SRGAP3: variants seen among roughly 807,000 people sequenced by gnomAD.
SRGAP3 encodes SLIT-ROBO Rho GTPase-activating protein 3.
SRGAP3 carries 39 observed loss-of-function variants against 121.1 expected under a neutral mutation model. That is an observed-to-expected ratio of 0.32 (90% CI 0.25 to 0.42). The LOEUF (loss-of-function observed/expected upper bound fraction) is 0.42. Among genes scored for constraint, SRGAP3 ranks in the 10% least tolerant of loss-of-function variants. The pLI, the probability that SRGAP3 is intolerant of heterozygous loss-of-function variation, is 1.00. For synonymous variants in SRGAP3, 601 were observed against 570.0 expected, an observed-to-expected ratio of 1.05 and a Z score of -0.77; for missense variants, 1,213 against 1,470.6, an observed-to-expected ratio of 0.82 and a Z score of 2.86.
rs142402714 is a variant in SRGAP3 at position 9,160,464 on chromosome 3, C to T, written c.68-35547G>A. Among the ~76,000 whole-genome samples the T allele has an allele frequency of 3.5e-3, 538 of 152,258 alleles. 2 individuals are homozygous for T. The highest frequency in any genetic ancestry group is 0.012 in the African/African-American group (513 of 41,552). ...CAGCCCTATAGAGAGGTCCACGTGG[C>T]GAGGAACTCAGGCCTCCAGCCAACA... On this transcript the variant is annotated intron_variant, in intron 1 of 21. Coordinates refer to ENST00000383836, the MANE Select transcript of SRGAP3 (RefSeq NM_014850.4).
At chr3:9,209,671 G>C (rs1356436696) in intron 1 of SRGAP3, among the ~76,000 whole-genome samples, 1 of 152,178 alleles carries the variant, frequency 6.6e-6, no homozygotes, top group Non-Finnish European at 1.5e-5. Flanking sequence ...AAAGATGTAT[G>C]TACAAAGATG....
At position 8,990,777 on chromosome 3, in the gene SRGAP3, C is replaced by A; in HGVS notation, c.2621G>T (p.Ser874Ile). 6.2e-7 allele frequency: 1 copy of A among 1,600,178 alleles called. No homozygotes were observed. Among genetic ancestry groups the A allele is most frequent in the Non-Finnish European group, 8.5e-7 (1 of 1,173,252 alleles). The change falls in exon 21 of 22, where the codon AGC becomes ATC. Residue 874 changes from serine (S) to isoleucine (I), a missense_variant. Around this residue, in one of 2 missense-constraint regions of SRGAP3, gnomAD observed 420 missense variants for 437.7 expected, o/e 0.96. Transcript: ENST00000383836. Reference protein sequence around the residue: ...PRRRSGGDTHSPPRGLGPSID... With the variant: ...PRRRSGGDTHIPPRGLGPSID... Reference sequence around the variant, plus strand: ...GCTGGGGCCCAGGCCCCGGGGCGGGCTGTGTGTGTCGCCCCCGCTTCGGCG... The same window carrying A: ...GCTGGGGCCCAGGCCCCGGGGCGGGATGTGTGTGTCGCCCCCGCTTCGGCG...
At chr3:9,008,505 C>T (rs747056744) in intron 18 of SRGAP3, among the ~76,000 whole-genome samples, 1 of 151,460 alleles carries the variant, frequency 6.6e-6, no homozygotes, top group Non-Finnish European at 1.5e-5. Context: ...GAAGGAGATC[C>T]AGAAATAAAA....
chr3:9,040,386 G>A (rs1944960332), intron 10 of SRGAP3, among the ~76,000 whole-genome samples: 1 of 152,152 alleles, frequency 6.6e-6, no homozygotes, highest in African/African-American at 2.4e-5. Context: ...TGCTACAGAT[G>A]CAGAGGCCTC....
intron 2 of SRGAP3, among the ~76,000 whole-genome samples, chr3:9,111,371 T>C (rs1948616290): frequency 6.6e-6 from 1 of 152,158 alleles, no homozygotes; most frequent in Admixed American, 6.5e-5. Context: ...TGAAAGGGGC[T>C]GGGCAGGTGG....
intron 1 of SRGAP3, among the ~76,000 whole-genome samples, chr3:9,191,240 T>C (rs1426577680): frequency 8.6e-5 from 13 of 151,900 alleles, no homozygotes; most frequent in Admixed American, 7.9e-4. Context: ...TCCCGGATTA[T>C]AATGATTCAC....
chr3:9,152,146 C>A (rs916289957), intron 1 of SRGAP3, among the ~76,000 whole-genome samples: 2 of 152,246 alleles, frequency 1.3e-5, no homozygotes, highest in African/African-American at 4.8e-5. Context: ...AGAACATTGC[C>A]TGGCTCATCA....
chr3:9,077,135 G>T (rs897292796), intron 4 of SRGAP3, among the ~76,000 whole-genome samples: 1 of 92,204 alleles, frequency 1.1e-5, no homozygotes, highest in African/African-American at 6.8e-5. Flanking sequence ...CTCCCCCTCC[G>T]ACAAGCCCCA....
At chr3:9,224,515 C>T (rs1952922597) in intron 1 of SRGAP3, among the ~76,000 whole-genome samples, 1 of 152,220 alleles carries the variant, frequency 6.6e-6, no homozygotes, top group African/African-American at 2.4e-5. Context: ...AGCACCCTGC[C>T]ATTCCCAAGA....
Position 9,060,257 on chromosome 3 carries a change from T to TG in SRGAP3, c.774dup (p.Ile259HisfsTer3), listed in dbSNP as rs765499043. 6.2e-7 allele frequency: 1 copy of TG among 1,614,040 alleles called. No individual in the cohort carries two copies. Among genetic ancestry groups the TG allele is most frequent in the Non-Finnish European group, 8.5e-7 (1 of 1,179,986 alleles). On this transcript the variant is annotated frameshift_variant, in exon 6 of 22. Transcript: ENST00000383836. LOFTEE classifies it high-confidence loss of function. ...TCGATCAGATCAGAGACATCATGGA[T>TG]GTAGTATTTGCTTATAGCTGCGTTG... is the stretch of plus-strand genomic sequence containing the variant.
At chr3:9,207,596 G>C (rs426771) in intron 1 of SRGAP3, among the ~76,000 whole-genome samples, 32,515 of 152,042 alleles carry the variant, frequency 0.21, 3,800 homozygotes, top group East Asian at 0.53. Flanking sequence ...AAGGAAGAAG[G>C]ATTGAGCTGA....
At chr3:9,095,699 T>C (rs898575230) in intron 3 of SRGAP3, among the ~76,000 whole-genome samples, 2 of 152,226 alleles carry the variant, frequency 1.3e-5, no homozygotes, top group African/African-American at 4.8e-5. Context: ...CTAGCCCTGC[T>C]CTAGTAATGT....
At chr3:9,002,256 G>T (rs532392191) in intron 18 of SRGAP3, among the ~76,000 whole-genome samples, 5 of 152,256 alleles carry the variant, frequency 3.3e-5, no homozygotes, top group African/African-American at 9.6e-5. Flanking sequence ...TTCTATAGAA[G>T]AAGTTTCTTC....
At chr3:9,071,212 G>A (rs1946692345) in intron 4 of SRGAP3, among the ~76,000 whole-genome samples, 1 of 152,100 alleles carries the variant, frequency 6.6e-6, no homozygotes, top group Non-Finnish European at 1.5e-5. Flanking sequence ...CCTCCTCAGT[G>A]GACACCTGTT....
intron 3 of SRGAP3, among the ~76,000 whole-genome samples, chr3:9,311,707 T>C (rs1955250923): frequency 1.3e-5 from 2 of 152,234 alleles, no homozygotes; most frequent in Admixed American, 6.5e-5. Flanking sequence ...ACAGGCTGTA[T>C]GAAAACAGGC....
chr3:9,025,967 T>A lies in SRGAP3; in HGVS notation c.1601-629A>T, dbSNP rs373507853. Reference sequence around the variant, plus strand: ...TGGTCAAAGTTTGGTTTGTATATAGTATATCCTCAATAAATGCTTCTTCAT... The same window carrying A: ...TGGTCAAAGTTTGGTTTGTATATAGAATATCCTCAATAAATGCTTCTTCAT... On this transcript the variant is annotated intron_variant, in intron 13 of 21. Coordinates refer to ENST00000383836, the MANE Select transcript of SRGAP3 (RefSeq NM_014850.4). Among the ~76,000 whole-genome samples the A allele has an allele frequency of 4.6e-5, 7 of 152,300 alleles. No homozygotes were observed. In the East Asian group the frequency reaches 1.3e-3, roughly 29 times the overall value.
rs143351224 is a variant in SRGAP3, at chr3:9,352,835, A to G, written n.214+10005T>C. Among the ~76,000 whole-genome samples, 112 of 152,284 alleles carry G rather than the reference A, an allele frequency of 7.4e-4. No homozygotes were observed. In the Middle Eastern group the frequency reaches 0.017, roughly 23 times the overall value. On this transcript the variant is annotated intron_variant and non_coding_transcript_variant, in intron 1 of 3. Coordinates refer to the SRGAP3 transcript ENST00000490889. ...GGCTAATAAGAATATCTACCCCCAT[A>G]GACTATTATGTGATATACAGGTAAA...
chr3:8,999,420 C>T (rs975842647), intron 18 of SRGAP3, among the ~76,000 whole-genome samples: 16 of 152,198 alleles, frequency 1.1e-4, no homozygotes, highest in Admixed American at 7.9e-4. Context: ...GCTTCTCTAC[C>T]CATCAAATCC....
rs559686270 is a variant in SRGAP3 at position 9,035,867 on chromosome 3, C to G, written c.1436+2196G>C. The G allele has an allele frequency of 4.6e-5, 7 of 153,382 alleles. No individual in the cohort carries two copies. In the East Asian group the frequency reaches 7.4e-4, roughly 16 times the overall value. The allele number at this position is 153,382 out of a possible 1,614,324, so 9.5% of individuals were successfully genotyped here. A position where few individuals can be genotyped will look rare whatever the true frequency, so the allele number is the denominator to read the frequency against. ...GGCAATGCTGTAGGGCAATGCCAGTCGGGCCCTTGGAGGCTATTCATGGGC... is the reference window on the plus strand; with the variant it reads ...GGCAATGCTGTAGGGCAATGCCAGTGGGGCCCTTGGAGGCTATTCATGGGC... On this transcript the variant is annotated intron_variant, in intron 11 of 21. Coordinates refer to ENST00000383836, the MANE Select transcript of SRGAP3 (RefSeq NM_014850.4).
Sources: allele counts gnomAD v4.1 joint callset (sites outside exome capture counted in the v4.1 genomes callset), GRCh38; gene constraint gnomAD v4.1.1; regional missense constraint gnomAD v4.1.1; transcripts MANE v1.5; gene names NCBI Gene and HGNC (gene_info 2026-07-23, HGNC 2026-07-21).